Variants in FRYL observed in about 807,000 individuals in gnomAD.
The protein encoded by FRYL is FRY like transcription coactivator.
Under a neutral mutation model 351.2 loss-of-function variants are expected in FRYL, and 150 were observed. The ratio of observed to expected loss-of-function variants is 0.43; its 90% CI spans 0.37 to 0.49. The LOEUF is 0.49. Ranked by LOEUF, FRYL falls within the 20% of genes least tolerant of loss-of-function variation. FRYL has a pLI of 0.00. For synonymous variants in FRYL, 1,153 were observed against 1,257.1 expected (o/e 0.92, Z 1.75); for missense variants, 3,036 against 3,619.3 (o/e 0.84, Z 4.13).
intron 1 of FRYL, among the ~76,000 whole-genome samples, chr4:48,762,078 A>G (rs1774475227): frequency 1.3e-5 from 2 of 152,146 alleles, no homozygotes; most frequent in Non-Finnish European, 2.9e-5. Flanking sequence ...AGAGAAGTCC[A>G]AAGTCTGCAA....
rs376359225 is a variant in FRYL, at chr4:48,514,292, A to C, written c.7937+736T>G. 2.0e-4 allele frequency among the ~76,000 whole-genome samples: 30 copies of C among 152,292 alleles called. No individual in the cohort carries two copies. The East Asian group carries it at 5.6e-3, about 28-fold the overall frequency. ...GTGCATGAAGTTAGATACCTTTATA[A>C]AAAACATAATATTGAACCACAAATA... is the stretch of plus-strand genomic sequence containing the variant. On this transcript the variant is annotated intron_variant, in intron 56 of 63. Coordinates refer to ENST00000358350, the MANE Select transcript of FRYL (RefSeq NM_015030.2).
chr4:48,608,992 T>C lies in FRYL; in HGVS notation c.567A>G (p.Gln189=). 2 of 1,603,448 alleles carry C rather than the reference T, an allele frequency of 1.2e-6. No individual in the cohort carries two copies. Among genetic ancestry groups the C allele is most frequent in the African/African-American group, 1.3e-5 (1 of 74,802 alleles). ...GGGTGATTTACAAAACTTACTTTGA[T>C]TGGGCAAGAACCCCTATCACCTCTG... The part of the protein sequence containing the change: ...LYAEVIGVLA[Q]SKFQAVRKKF... Residue 189 remains glutamine (Q), a synonymous_variant, in exon 9 of 64, where the codon CAA becomes CAG. Coordinates refer to ENST00000358350, the MANE Select transcript of FRYL (RefSeq NM_015030.2).
intron 62 of FRYL, among the ~76,000 whole-genome samples, chr4:48,500,848 G>C (rs140935503): frequency 6.6e-6 from 1 of 152,152 alleles, no homozygotes; most frequent in Non-Finnish European, 1.5e-5. Context: ...ACTTTGGCAG[G>C]CCAAGGCAGT....
intron 3 of FRYL, among the ~76,000 whole-genome samples, chr4:48,642,053 C>T (rs181772518): frequency 2.0e-5 from 3 of 152,238 alleles, no homozygotes; most frequent in African/African-American, 7.2e-5. Context: ...AATTCTGTCA[C>T]TGATTTTACT....
intron 1 of FRYL, among the ~76,000 whole-genome samples, chr4:48,751,002 T>C (rs1201792263): frequency 6.6e-6 from 1 of 152,140 alleles, no homozygotes; most frequent in Non-Finnish European, 1.5e-5. Flanking sequence ...ACACTTACAG[T>C]TGCCCCTTGG....
chr4:48,531,021 T>C, intron 50 of FRYL, 135 bp downstream of exon 50: 1 of 632,834 alleles, frequency 1.6e-6, no homozygotes, highest in Non-Finnish European at 2.8e-6. Context: ...CATCCCCACT[T>C]GGTTGTTCAT....
intron 13 of FRYL, among the ~76,000 whole-genome samples, chr4:48,598,524 A>C (rs1745066318): frequency 1.3e-5 from 2 of 152,204 alleles, no homozygotes; most frequent in Non-Finnish European, 2.9e-5. Context: ...GGAAATTTTT[A>C]AAACATTTTC....
intron 7 of FRYL, among the ~76,000 whole-genome samples, chr4:48,613,258 ATTTTCCAC>A (rs1748620976): frequency 6.6e-6 from 1 of 152,112 alleles, no homozygotes. Flanking sequence ...CAGGTGTATA[ATTTTCCAC>A]TTGTAGTGTC....
At chr4:48,574,482 G>A (rs1739109205) in intron 25 of FRYL, 1 of 151,784 alleles carries the variant, frequency 6.6e-6, no homozygotes, top group Non-Finnish European at 1.5e-5. Flanking sequence ...GAAATCTTTA[G>A]CAAAAGGCAA....
In FRYL at chr4:48,603,338, C is replaced by T. The variant is rs547732903; in HGVS notation, c.885G>A (p.Met295Ile). 6.2e-7 allele frequency: 1 copy of T among 1,612,724 alleles called. No individual in the cohort carries two copies. Among genetic ancestry groups the T allele is most frequent in the African/African-American group, 1.3e-5 (1 of 74,956 alleles). The change falls in exon 12 of 64, where the codon ATG becomes ATA. Residue 295 changes from methionine (M) to isoleucine (I), a missense_variant. By Grantham distance (10) the Met-to-Ile change is conservative. Transcript: ENST00000358350. ...NVPCLKNFVE[M>I]LYQTTFELSS... ...TCAGTTCAAAAGTAGTCTGATAAAG[C>T]ATCTCCACAAAATTTTTCAAACAGG...
chr4:48,572,762 C>T (rs1560632196), intron 26 of FRYL, among the ~76,000 whole-genome samples: 1 of 152,218 alleles, frequency 6.6e-6, no homozygotes, highest in African/African-American at 2.4e-5. Context: ...TGTGAAACTA[C>T]ATCCCATGGG....
At chr4:48,731,133 C>T (rs1207324634) in intron 1 of FRYL, among the ~76,000 whole-genome samples, 3 of 151,928 alleles carry the variant, frequency 2.0e-5, no homozygotes, top group Non-Finnish European at 4.4e-5. Flanking sequence ...AAGGCCATTA[C>T]GTAATGGTAA....
At chr4:48,767,311 C>T (rs549232544) in intron 1 of FRYL, among the ~76,000 whole-genome samples, 1 of 152,160 alleles carries the variant, frequency 6.6e-6, no homozygotes, top group Non-Finnish European at 1.5e-5. Flanking sequence ...CTTCTGAGAA[C>T]TCGCTCACTA....
rs775806797 is a variant in FRYL at position 48,501,654 on chromosome 4, TTGA to T, written c.8558_8560del (p.Ile2853del). 1 of 1,605,894 alleles carries T rather than the reference TTGA, an allele frequency of 6.2e-7. No homozygotes were observed. ...TTCATTTTTTATCGTATTTACTTGG[TTGA>T]TAAGTTTACAGTAGGCCTGGAACAG... On this transcript the variant is annotated inframe_deletion, in exon 62 of 64. Coordinates refer to ENST00000358350, the MANE Select transcript of FRYL (RefSeq NM_015030.2).
intron 61 of FRYL, 108 bp downstream of exon 61, chr4:48,502,720 A>G: frequency 1.2e-6 from 1 of 809,642 alleles, no homozygotes; most frequent in Non-Finnish European, 2.1e-6. Context: ...ACTACTTGTA[A>G]AGTAGTCCAC....
intron 55 of FRYL, among the ~76,000 whole-genome samples, chr4:48,519,906 G>T (rs1487221649): frequency 2.6e-5 from 4 of 152,132 alleles, no homozygotes; most frequent in Non-Finnish European, 4.4e-5. Context: ...GCTAATTTTT[G>T]TATTTTTAGT....
intron 1 of FRYL, among the ~76,000 whole-genome samples, chr4:48,764,171 AAAATAAAT>A (rs774110993): frequency 6.6e-6 from 1 of 151,972 alleles, no homozygotes; most frequent in African/African-American, 2.4e-5. Flanking sequence ...CTCTATCTCA[AAAATAAAT>A]AAATAAATAA....
At chr4:48,575,684 G>C (rs1739450943) in intron 24 of FRYL, among the ~76,000 whole-genome samples, 1 of 152,168 alleles carries the variant, frequency 6.6e-6, no homozygotes, top group Admixed American at 6.5e-5. Flanking sequence ...ATTCTAGAAA[G>C]GCGTTTAATT....
intron 60 of FRYL, among the ~76,000 whole-genome samples, chr4:48,503,684 G>T (rs1577818392): frequency 6.6e-6 from 1 of 152,262 alleles, no homozygotes; most frequent in Admixed American, 6.5e-5. Context: ...ATAGTTTCCT[G>T]TGAAGGACTG....
Sources: gnomAD v4.1 joint callset for allele counts (sites outside exome capture counted in the v4.1 genomes callset) on GRCh38, gnomAD v4.1.1 for gene constraint, MANE v1.5 for transcripts, NCBI Gene and HGNC (gene_info 2026-07-23, HGNC 2026-07-21) for gene names.